Variants in HSD17B12 observed in about 807,000 individuals in gnomAD.
The protein encoded by HSD17B12 is hydroxysteroid 17-beta dehydrogenase 12.
A neutral mutation model predicts 39.3 loss-of-function variants in HSD17B12; 32 were observed. That is an observed-to-expected ratio of 0.81 (90% confidence interval 0.61 to 1.09). The LOEUF (loss-of-function observed/expected upper bound fraction) is 1.09, where lower values mean the gene tolerates loss of function less well. HSD17B12 is among the 50% of genes least tolerant of loss of function. The pLI, the probability that HSD17B12 is intolerant of heterozygous loss-of-function variation, is 0.00. For synonymous variants in HSD17B12, 150 were observed against 146.7 expected, an observed-to-expected ratio of 1.02 and a Z score of -0.16; for missense variants, 342 against 382.9, an observed-to-expected ratio of 0.89 and a Z score of 0.89.
the HSD17B12 span, among the ~76,000 whole-genome samples, chr11:43,602,509 G>A: frequency 6.6e-6 from 1 of 152,128 alleles, no homozygotes; most frequent in African/African-American, 2.4e-5. Flanking sequence ...TAAACTCCAT[G>A]AGAGCAGGAA....
At chr11:43,854,131 A>G (rs1168411757) in intron 9 of HSD17B12, 1 of 152,298 alleles carries the variant, frequency 6.6e-6, no homozygotes, top group Non-Finnish European at 1.5e-5. Context: ...TCTTCTAAAA[A>G]AGAAAAAAAG....
At chr11:43,718,475 G>A (rs1950146274) in intron 1 of HSD17B12, among the ~76,000 whole-genome samples, 1 of 152,114 alleles carries the variant, frequency 6.6e-6, no homozygotes, top group Non-Finnish European at 1.5e-5. Flanking sequence ...GAAAATATAA[G>A]TTACCTGCCT....
rs1949845756 is a variant in HSD17B12 at position 43,690,383 on chromosome 11, TATATA to T, written c.160+9397_160+9401del. ...ATACATATATATATATATATATATA[TATATA>T]TATATATATATATATATTTTTTTTT... is the stretch of plus-strand genomic sequence containing the variant. On this transcript the variant is annotated intron_variant, in intron 1 of 10. Coordinates refer to ENST00000278353, the MANE Select transcript of HSD17B12 (RefSeq NM_016142.3). Among the ~76,000 whole-genome samples, 34 of 13,614 alleles carry T rather than the reference TATATA, an allele frequency of 2.5e-3. 1 individual carries two copies. The highest frequency in any genetic ancestry group is 7.8e-3 in the South Asian group (3 of 384). The allele number at this position is 13,614 out of a possible 152,430, so 8.9% of individuals were successfully genotyped here. A position where few individuals can be genotyped will look rare whatever the true frequency, so the allele number is the denominator to read the frequency against.
At chr11:43,598,326 G>A in the HSD17B12 span, among the ~76,000 whole-genome samples, 1 of 151,918 alleles carries the variant, frequency 6.6e-6, no homozygotes, top group Admixed American at 6.6e-5. Flanking sequence ...TGTTAGATGC[G>A]GGTCTCTCTG....
chr11:43,774,820 C>T (rs775146859), intron 3 of HSD17B12, among the ~76,000 whole-genome samples: 1 of 152,170 alleles, frequency 6.6e-6, no homozygotes, highest in Non-Finnish European at 1.5e-5. Flanking sequence ...CAGGTATATA[C>T]ACCCCATATG....
chr11:43,620,406 G>A, the HSD17B12 span, among the ~76,000 whole-genome samples: 3 of 152,244 alleles, frequency 2.0e-5, no homozygotes, highest in South Asian at 4.1e-4. Flanking sequence ...TTCAGAGTCC[G>A]ATCTCTTAGC....
At chr11:43,627,553 G>A in the HSD17B12 span, among the ~76,000 whole-genome samples, 1 of 151,834 alleles carries the variant, frequency 6.6e-6, no homozygotes, top group Non-Finnish European at 1.5e-5. Flanking sequence ...CAATATCAAT[G>A]AAAGCTTAAA....
At chr11:43,721,331 C>A (rs1950174203) in intron 1 of HSD17B12, among the ~76,000 whole-genome samples, 1 of 151,892 alleles carries the variant, frequency 6.6e-6, no homozygotes, top group African/African-American at 2.4e-5. Flanking sequence ...AAGAGTGTTC[C>A]AGGCAGGCTG....
intron 1 of HSD17B12, among the ~76,000 whole-genome samples, chr11:43,725,204 T>C (rs888233733): frequency 4.6e-5 from 7 of 152,196 alleles, no homozygotes; most frequent in Non-Finnish European, 8.8e-5. Context: ...TGCCAGTCAT[T>C]TCCTAGTTTT....
At chr11:43,572,040 A>G in the HSD17B12 span, among the ~76,000 whole-genome samples, 4 of 152,204 alleles carry the variant, frequency 2.6e-5, no homozygotes, top group Non-Finnish European at 1.5e-5. Flanking sequence ...CTCAAGGTGC[A>G]TGTAGACTTT....
chr11:43,715,459 A>C (rs1453306126), intron 1 of HSD17B12, among the ~76,000 whole-genome samples: 1 of 152,200 alleles, frequency 6.6e-6, no homozygotes, highest in African/African-American at 2.4e-5. Context: ...CCAGCCTTGC[A>C]TCCCAGGGAT....
chr11:43,803,751 G>T (rs568746459), intron 4 of HSD17B12, among the ~76,000 whole-genome samples: 1 of 152,218 alleles, frequency 6.6e-6, no homozygotes, highest in South Asian at 2.1e-4. Flanking sequence ...AATGCTTAAG[G>T]TTGAGAAGTT....
At chr11:43,654,937 T>G in the HSD17B12 span, among the ~76,000 whole-genome samples, 1 of 152,224 alleles carries the variant, frequency 6.6e-6, no homozygotes, top group Admixed American at 6.5e-5. Context: ...TCCAATTCTG[T>G]GAAGAAAGTC....
chr11:43,841,704 T>A (rs1187320607), intron 9 of HSD17B12, among the ~76,000 whole-genome samples: 1 of 152,214 alleles, frequency 6.6e-6, no homozygotes, highest in Non-Finnish European at 1.5e-5. Context: ...CAGGCACTTT[T>A]AAAAAATGTC....
the HSD17B12 span, among the ~76,000 whole-genome samples, chr11:43,643,125 A>C: frequency 6.6e-6 from 1 of 152,090 alleles, no homozygotes; most frequent in Non-Finnish European, 1.5e-5. Context: ...TTTGGATGTG[A>C]GAAAAATAGC....
At chr11:43,596,785 C>T in the HSD17B12 span, among the ~76,000 whole-genome samples, 1 of 152,268 alleles carries the variant, frequency 6.6e-6, no homozygotes, top group South Asian at 2.1e-4. Context: ...ATCTGTCACC[C>T]TTTTCTCATG....
At chr11:43,760,952 C>T (rs1056897017) in intron 3 of HSD17B12, among the ~76,000 whole-genome samples, 7 of 152,186 alleles carry the variant, frequency 4.6e-5, no homozygotes, top group African/African-American at 1.7e-4. Context: ...ATCCATTTTG[C>T]CTCTACTGGT....
chr11:43,630,158 G>A, the HSD17B12 span, among the ~76,000 whole-genome samples: 1 of 152,052 alleles, frequency 6.6e-6, no homozygotes, highest in South Asian at 2.1e-4. Flanking sequence ...GTAAACATAT[G>A]GGTAAGCATT....
chr11:43,705,899 A>G (rs1383058797), intron 1 of HSD17B12, among the ~76,000 whole-genome samples: 1 of 151,150 alleles, frequency 6.6e-6, no homozygotes, highest in Non-Finnish European at 1.5e-5. Context: ...AGTAGCTGGA[A>G]CTGCAGGTGT....
Sources: gnomAD v4.1 joint callset for allele counts (sites outside exome capture counted in the v4.1 genomes callset) on GRCh38, gnomAD v4.1.1 for gene constraint, MANE v1.5 for transcripts, NCBI Gene and HGNC (gene_info 2026-07-23, HGNC 2026-07-21) for gene names.